CYP4V2: variants seen among roughly 807,000 people sequenced by gnomAD.
The protein encoded by CYP4V2 is cytochrome P450 family 4 subfamily V member 2.
Under a neutral mutation model 60.8 loss-of-function variants are expected in CYP4V2, and 55 were observed. The ratio of observed to expected loss-of-function variants is 0.90; its 90% CI spans 0.73 to 1.13. CYP4V2 has a LOEUF of 1.13. Among genes scored for constraint, CYP4V2 ranks in the 50% most tolerant of loss-of-function variants. The pLI, the probability that CYP4V2 is intolerant of heterozygous loss-of-function variation, is 0.00. For synonymous variants in CYP4V2, 239 were observed against 236.8 expected, an observed-to-expected ratio of 1.01 and a Z score of -0.08; for missense variants, 675 against 662.9, an observed-to-expected ratio of 1.02 and a Z score of -0.20.
chr4:186,192,728 C>A (rs993542268), intron 1 of CYP4V2, among the ~76,000 whole-genome samples: 1 of 152,054 alleles, frequency 6.6e-6, no homozygotes, highest in African/African-American at 2.4e-5. Context: ...CTCAAAAGTA[C>A]CTGGTATTTA....
intron 5 of CYP4V2, among the ~76,000 whole-genome samples, chr4:186,198,246 C>A (rs1351617837): frequency 6.6e-6 from 1 of 152,224 alleles, no homozygotes; most frequent in African/African-American, 2.4e-5. Flanking sequence ...TTTCCAATCA[C>A]TGCACAGGGT....
At position 186,194,557 on chromosome 4, in the gene CYP4V2, A is replaced by G. The variant is rs770301714; in HGVS notation, c.272A>G (p.Lys91Arg). Reference protein sequence around the residue: ...TEEYRHMPLLKLWVGPVPMVA... With the variant: ...TEEYRHMPLLRLWVGPVPMVA... ...GAATACCGCCACATGCCGCTGCTGA[A>G]GCTCTGGGTCGGGCCAGTGCCCATG... Residue 91 changes from lysine to arginine, a missense_variant, in exon 2 of 11, where the codon AAG becomes AGG. Lys to Arg is a conservative substitution (Grantham distance 26, BLOSUM62 2). Coordinates refer to ENST00000378802, the MANE Select transcript of CYP4V2 (RefSeq NM_207352.4). The G allele has an allele frequency of 7.9e-5, 128 of 1,614,070 alleles. No individual in the cohort carries two copies. Among genetic ancestry groups the G allele is most frequent in the Non-Finnish European group, 1.1e-4 (125 of 1,180,020 alleles).
Position 186,201,181 on chromosome 4 carries a change from A to G in CYP4V2, c.826A>G (p.Met276Val). 1 of 1,614,210 alleles carries G rather than the reference A, an allele frequency of 6.2e-7. No homozygotes were observed. Among genetic ancestry groups the G allele is most frequent in the African/African-American group, 1.3e-5 (1 of 75,062 alleles). Reference protein sequence around the residue: ...NSVIAERANEMNANEDCRGDG... With the variant: ...NSVIAERANEVNANEDCRGDG... ...GGTCATCGCTGAACGGGCCAATGAA[A>G]TGAACGCCAATGAAGACTGTAGAGG... Residue 276 changes from methionine (M) to valine (V), a missense_variant, in exon 7 of 11, where the codon ATG (methionine) becomes GTG (valine). Transcript: ENST00000378802.
chr4:186,194,723 C>A (rs1448334145), intron 2 of CYP4V2, 111 bp downstream of exon 2: 2 of 983,238 alleles, frequency 2.0e-6, no homozygotes, highest in Non-Finnish European at 3.2e-6. Context: ...GCACAAAAAA[C>A]ATTCCACTAA....
chr4:186,194,443 A>G (rs1736082806), intron 1 of CYP4V2, 57 bp from the exon 2 acceptor site: 3 of 1,442,280 alleles, frequency 2.1e-6, no homozygotes, highest in African/African-American at 1.4e-5. Context: ...CCTTTGTCCA[A>G]TACTGGTCAC....
chr4:186,208,819 G>GC (rs780703259), intron 8 of CYP4V2, 46 bp from the exon 9 acceptor site: 3 of 1,613,794 alleles, frequency 1.9e-6, no homozygotes, highest in African/African-American at 2.7e-5. Flanking sequence ...TGCACCCCCA[G>GC]CCCCCACTGC....
rs1437588753 is a variant in CYP4V2 at position 186,212,035 on chromosome 4, T to G, written c.*1394T>G. 2.0e-5 allele frequency: 3 copies of G among 152,178 alleles called. No individual in the cohort carries two copies. The highest frequency in any genetic ancestry group is 7.2e-5 in the African/African-American group (3 of 41,440). The allele number at this position is 152,178 out of a possible 1,614,324, so 9.4% of individuals were successfully genotyped here. ...GGAGCTAGAAGGACTTTAGAACTTATCTAGTTATGCTCCTTTATATTATAA... is the reference window on the plus strand; with the variant it reads ...GGAGCTAGAAGGACTTTAGAACTTAGCTAGTTATGCTCCTTTATATTATAA... On this transcript the variant is annotated 3_prime_UTR_variant, in exon 11 of 11. Coordinates refer to ENST00000378802, the MANE Select transcript of CYP4V2 (RefSeq NM_207352.4).
chr4:186,206,278 A>G (rs372203891), intron 8 of CYP4V2, among the ~76,000 whole-genome samples: 86 of 152,170 alleles, frequency 5.7e-4, no homozygotes, highest in African/African-American at 1.6e-3. Context: ...CATACTTGTG[A>G]TGGCGTTCAG....
At chr4:186,194,867 T>C (rs1736104008) in intron 2 of CYP4V2, among the ~76,000 whole-genome samples, 1 of 152,216 alleles carries the variant, frequency 6.6e-6, no homozygotes. Flanking sequence ...TGAAAGGATA[T>C]CGTTTTTTAG....
chr4:186,191,755 C>G lies in CYP4V2; in HGVS notation c.-69C>G. ...GGAAGTGGGCGGTGTGCGGCCGGCA[C>G]CGCCTCGCACCACGCCCCCGCGGGC... On this transcript the variant is annotated 5_prime_UTR_variant, in exon 1 of 11. Coordinates refer to ENST00000378802, the MANE Select transcript of CYP4V2 (RefSeq NM_207352.4). 1 of 1,328,304 alleles carries G rather than the reference C, an allele frequency of 7.5e-7. No homozygotes were observed. Among genetic ancestry groups the G allele is most frequent in the Non-Finnish European group, 9.6e-7 (1 of 1,038,278 alleles). The allele number at this position is 1,328,304 out of a possible 1,614,324, so 82.3% of individuals were successfully genotyped here.
chr4:186,201,094 T>C, intron 6 of CYP4V2, 63 bp from the exon 7 acceptor site: 1 of 1,496,454 alleles, frequency 6.7e-7, no homozygotes, highest in Non-Finnish European at 9.3e-7. Context: ...TATAAGAAAA[T>C]GTGTTAACTA....
At position 186,198,865 on chromosome 4, in the gene CYP4V2, C is replaced by A. The variant is rs183762311; in HGVS notation, c.675-92C>A. 5 of 1,583,830 alleles carry A rather than the reference C, an allele frequency of 3.2e-6. No individual in the cohort carries two copies. In the African/African-American group the frequency reaches 5.4e-5, roughly 17 times the overall value. ...TCTAAGACAATCATCGTCATTCCCA[C>A]GATTGCCTTCATCAAGGCCAGGTAC... is the stretch of plus-strand genomic sequence containing the variant. On this transcript the variant is annotated intron_variant, in intron 5 of 10. Transcript: ENST00000378802.
chr4:186,207,235 T>C (rs916433659), intron 8 of CYP4V2, among the ~76,000 whole-genome samples: 12 of 151,790 alleles, frequency 7.9e-5, no homozygotes, highest in Non-Finnish European at 1.6e-4. Context: ...AGTGAAACCC[T>C]GTCTCTATTA....
rs775536105 is a variant in CYP4V2 at position 186,208,990 on chromosome 4, T to C, written c.1216T>C (p.Cys406Arg). Reference protein sequence around the residue: ...PLFARSVSEDCEVAGYRVLKG... With the variant: ...PLFARSVSEDREVAGYRVLKG... ...ATTTGCCCGTAGTGTTAGTGAAGAT[T>C]GTGAAGTGGGTAAGTATGCTATACC... Residue 406 changes from cysteine to arginine, a missense_variant, in exon 9 of 11, where the codon TGT (cysteine) becomes CGT (arginine). Physicochemically the swap from Cys to Arg is radical, Grantham distance 180. Transcript: ENST00000378802. 15 of 1,614,202 alleles carry C rather than the reference T, an allele frequency of 9.3e-6. No individual in the cohort carries two copies. In the East Asian group the frequency reaches 3.3e-4, roughly 36 times the overall value.
chr4:186,196,764 T>TA (rs1391499137), intron 3 of CYP4V2, 176 bp from the exon 4 acceptor site: 13 of 603,958 alleles, frequency 2.2e-5, no homozygotes, highest in Non-Finnish European at 3.2e-5. Context: ...ATTTTATAGA[T>TA]ATGTGTATAT....
In CYP4V2 at chr4:186,191,699, C is replaced by A. The variant is rs1335539278; in HGVS notation, c.-125C>A. 3 of 953,136 alleles carry A rather than the reference C, an allele frequency of 3.1e-6. No homozygotes were observed. Among genetic ancestry groups the A allele is most frequent in the Non-Finnish European group, 4.1e-6 (3 of 736,488 alleles). 59.0% of individuals were successfully genotyped at this position (953,136 alleles called of 1,614,324 possible). A position where few individuals can be genotyped will look rare whatever the true frequency, so the allele number is the denominator to read the frequency against. On this transcript the variant is annotated 5_prime_UTR_variant, in exon 1 of 11. Transcript: ENST00000378802. ...ACGTCGTTCCGGGGACCGGGCGACC[C>A]CGCAGCGGGGAGCGCGCCAGGTCCG...
chr4:186,201,494 CTGAT>C (rs1736306193), intron 7 of CYP4V2, 152 bp downstream of exon 7: 4 of 904,098 alleles, frequency 4.4e-6, no homozygotes, highest in Admixed American at 2.8e-5. Context: ...ATTTAAGAAA[CTGAT>C]TAAGTACCAG....
chr4:186,205,591 T>C (rs938214562), intron 8 of CYP4V2, among the ~76,000 whole-genome samples: 2 of 152,138 alleles, frequency 1.3e-5, no homozygotes, highest in Non-Finnish European at 2.9e-5. Context: ...TGCATTTGAG[T>C]GAAGAAGGTG....
chr4:186,204,380 G>GAC (rs1174767887), intron 7 of CYP4V2: 1,926 of 165,636 alleles, frequency 0.012, 312 homozygotes, highest in Non-Finnish European at 0.016. Context: ...CGGCGGTGGA[G>GAC]GCGCTACGCT....
Sources: allele counts gnomAD v4.1 joint callset (sites outside exome capture counted in the v4.1 genomes callset), GRCh38; gene constraint gnomAD v4.1.1; transcripts MANE v1.5; gene names NCBI Gene and HGNC (gene_info 2026-07-23, HGNC 2026-07-21).